The following GPNMB variants were observed in gnomAD, a reference collection of about 807,000 sequenced individuals.
The protein encoded by GPNMB is transmembrane glycoprotein NMB.
In GPNMB, 71 loss-of-function variants were observed where a neutral mutation model predicts 57.3. The observed-to-expected ratio is 1.24, with a 90% CI of 1.02 to 1.51. The LOEUF (loss-of-function observed/expected upper bound fraction) is 1.51, where lower values mean the gene tolerates loss of function less well. Ranked by LOEUF, GPNMB falls within the 40% of genes most tolerant of loss-of-function variation. The pLI is 0.00. For synonymous variants in GPNMB, 253 were observed against 263.2 expected, an observed-to-expected ratio of 0.96 and a Z score of 0.38; for missense variants, 677 against 691.9, an observed-to-expected ratio of 0.98 and a Z score of 0.24.
chr7:23,251,288 G>GC (rs1293837855), intron 1 of GPNMB, among the ~76,000 whole-genome samples: 1 of 152,140 alleles, frequency 6.6e-6, no homozygotes, highest in Non-Finnish European at 1.5e-5. Context: ...GCTTCTCTGA[G>GC]CACCCACTCA....
intron 6 of GPNMB, 96 bp downstream of exon 6, chr7:23,260,869 G>GT: frequency 1.0e-6 from 1 of 981,004 alleles, no homozygotes; most frequent in African/African-American, 1.6e-5. Flanking sequence ...AGGGGATATT[G>GT]TAAGGACTCT....
Position 23,274,173 on chromosome 7 carries a change from C to T in GPNMB, c.1632C>T (p.Asn544=), listed in dbSNP as rs748469957. The change falls in exon 11 of 11, where the codon AAC becomes AAT. Residue 544 remains asparagine, a synonymous_variant. Coordinates refer to ENST00000258733, the MANE Select transcript of GPNMB (RefSeq NM_002510.3). The part of the protein sequence containing the change: ...NRAKAVFFPG[N]QEKDPLLKNQ... The stretch of plus-strand genomic sequence containing the variant: ...CAAAAGCCGTGTTCTTCCCGGGAAA[C>T]CAGGAAAAGGATCCGCTACTCAAAA... 6 of 1,613,856 alleles carry T rather than the reference C, an allele frequency of 3.7e-6. No homozygotes were observed. In the African/African-American group the frequency reaches 6.7e-5, roughly 18 times the overall value.
At position 23,260,612 on chromosome 7, in the gene GPNMB, GGGA is replaced by G; in HGVS notation, c.858_860del (p.Asp287del). On this transcript the variant is annotated inframe_deletion, in exon 6 of 11. Coordinates refer to ENST00000258733, the MANE Select transcript of GPNMB (RefSeq NM_002510.3). ...ACCATTAACTACAAGTGGAGCTTCGGGGATAATACTGGCCTGTTTGTTTCCACC... is the reference window on the plus strand; with the variant it reads ...ACCATTAACTACAAGTGGAGCTTCGGTAATACTGGCCTGTTTGTTTCCACC... The G allele has an allele frequency of 6.2e-7, 1 of 1,614,054 alleles. No homozygotes were observed. Among genetic ancestry groups the G allele is most frequent in the Non-Finnish European group, 8.5e-7 (1 of 1,179,984 alleles).
intron 1 of GPNMB, chr7:23,250,713 G>C (rs1056766618): frequency 1.3e-5 from 2 of 152,180 alleles, no homozygotes; most frequent in Non-Finnish European, 2.9e-5. Context: ...AATCGGAAGA[G>C]AAATCTGCGT....
chr7:23,269,812 A>G (rs1031130065), intron 8 of GPNMB, among the ~76,000 whole-genome samples, 155 bp from the exon 9 acceptor site: 1 of 152,214 alleles, frequency 6.6e-6, no homozygotes, highest in African/African-American at 2.4e-5. Flanking sequence ...AGCAGATTAT[A>G]AGACTAACAA....
intron 10 of GPNMB, 189 bp from the exon 11 acceptor site, chr7:23,273,876 T>C: frequency 1.7e-6 from 1 of 589,158 alleles, no homozygotes; most frequent in South Asian, 2.2e-5. Flanking sequence ...CAAATTATAG[T>C]AAGCAGGCAC....
In GPNMB at chr7:23,253,458, G is replaced by GTTA; in HGVS notation, c.222_223insTTA (p.Lys74_Gly75insLeu). The GTTA allele has an allele frequency of 6.2e-7, 1 of 1,612,878 alleles. No individual in the cohort carries two copies. The highest frequency in any genetic ancestry group is 8.5e-7 in the Non-Finnish European group (1 of 1,179,336). ...ACATGAGGTGGAAAAACTCCTGGAA[G>GTTA]GGTAAGTCAAAAGATTCAAACCAAA... On this transcript the variant is annotated inframe_insertion and splice_region_variant, in exon 2 of 11. Transcript: ENST00000258733.
intron 8 of GPNMB, among the ~76,000 whole-genome samples, chr7:23,268,296 C>A (rs1206280449): frequency 6.6e-6 from 1 of 152,182 alleles, no homozygotes; most frequent in African/African-American, 2.4e-5. Context: ...ATCCTCACAA[C>A]AATCGTATGA....
At chr7:23,265,623 T>G (rs911964118) in intron 6 of GPNMB, among the ~76,000 whole-genome samples, 14 of 152,108 alleles carry the variant, frequency 9.2e-5, no homozygotes, top group African/African-American at 3.1e-4. Context: ...AGGGAAAGAA[T>G]GATCTTTTCC....
intron 5 of GPNMB, 128 bp from the exon 6 acceptor site, chr7:23,260,328 T>A: frequency 9.8e-7 from 1 of 1,024,752 alleles, no homozygotes; most frequent in Non-Finnish European, 1.4e-6. Flanking sequence ...AAAACTTGCA[T>A]GTGAAAAGGA....
chr7:23,256,573 G>A (rs1023552563), intron 3 of GPNMB, among the ~76,000 whole-genome samples: 4 of 152,142 alleles, frequency 2.6e-5, no homozygotes, highest in African/African-American at 7.2e-5. Context: ...AAAATAAAAA[G>A]ATAAAGTATC....
At chr7:23,257,218 A>C in intron 4 of GPNMB, 153 bp downstream of exon 4, 1 of 717,410 alleles carries the variant, frequency 1.4e-6, no homozygotes, top group African/African-American at 1.8e-5. Flanking sequence ...GTGAGAGATA[A>C]AAATGAAATC....
intron 1 of GPNMB, among the ~76,000 whole-genome samples, 188 bp from the exon 2 acceptor site, chr7:23,253,119 G>C (rs982141266): frequency 2.6e-5 from 4 of 152,282 alleles, no homozygotes; most frequent in Non-Finnish European, 5.9e-5. Context: ...TAAAGACATA[G>C]GGTCTGAATG....
intron 8 of GPNMB, among the ~76,000 whole-genome samples, chr7:23,269,639 A>G (rs556261719): frequency 6.6e-6 from 1 of 152,292 alleles, no homozygotes; most frequent in African/African-American, 2.4e-5. Context: ...ATCTTCGAAC[A>G]TTCTAGGGAT....
chr7:23,272,661 C>T lies in GPNMB; in HGVS notation c.1430-860C>T, dbSNP rs545686479. Among the ~76,000 whole-genome samples the T allele has an allele frequency of 2.0e-5, 3 of 152,182 alleles. No homozygotes were observed. The South Asian group carries it at 6.2e-4, about 32-fold the overall frequency. Reference sequence around the variant, plus strand: ...TTTAGTTGAAGTGACTTTTATGTATCGATTCAATGGATATTCATGAAGCAC... The same window carrying T: ...TTTAGTTGAAGTGACTTTTATGTATTGATTCAATGGATATTCATGAAGCAC... On this transcript the variant is annotated intron_variant, in intron 9 of 10. Coordinates refer to ENST00000258733, the MANE Select transcript of GPNMB (RefSeq NM_002510.3).
chr7:23,260,890 C>A, intron 6 of GPNMB, 117 bp downstream of exon 6: 1 of 712,312 alleles, frequency 1.4e-6, no homozygotes, highest in East Asian at 2.9e-5. Context: ...GCGGTGATTC[C>A]ATTTTCTACC....
At chr7:23,257,395 G>T in intron 4 of GPNMB, 1 of 476,286 alleles carries the variant, frequency 2.1e-6, no homozygotes, top group East Asian at 3.8e-5. Flanking sequence ...CATGGAGACC[G>T]GGCATGTGGC....
intron 9 of GPNMB, among the ~76,000 whole-genome samples, chr7:23,272,459 AAGAG>A (rs948939925): frequency 6.6e-6 from 1 of 151,506 alleles, no homozygotes; most frequent in African/African-American, 2.4e-5. Context: ...CCCTGTCTGA[AAGAG>A]AGAGAGAGAG....
At chr7:23,256,802 A>C (rs1432344738) in intron 3 of GPNMB, 90 bp from the exon 4 acceptor site, 11 of 1,045,644 alleles carry the variant, frequency 1.1e-5, no homozygotes, top group African/African-American at 1.6e-5. Flanking sequence ...TTATGAAAAA[A>C]ATACGAAAAA....
Sources: allele counts gnomAD v4.1 joint callset (sites outside exome capture counted in the v4.1 genomes callset), GRCh38; gene constraint gnomAD v4.1.1; transcripts MANE v1.5; gene names NCBI Gene and HGNC (gene_info 2026-07-23, HGNC 2026-07-21).